The following PMFBP1 variants were observed in gnomAD, a reference collection of about 807,000 sequenced individuals.
PMFBP1 encodes the protein polyamine modulated factor 1 binding protein 1, also known as polyamine-modulated factor 1-binding protein 1.
PMFBP1 carries 131 observed loss-of-function variants against 137.8 expected under a neutral mutation model. That is an observed-to-expected ratio of 0.95 (90% CI 0.82 to 1.10). PMFBP1 has a LOEUF of 1.10. PMFBP1 is among the 50% of genes least tolerant of loss of function. The pLI is 0.00. For synonymous variants in PMFBP1, 490 were observed against 450.4 expected, an observed-to-expected ratio of 1.09 and a Z score of -1.11; for missense variants, 1,199 against 1,175.4, an observed-to-expected ratio of 1.02 and a Z score of -0.29.
In PMFBP1 at chr16:72,150,841, G is replaced by A; in HGVS notation, c.415-12C>T. ...TCATAGAGAATCACCTGTAGGTGTA[G>A]GAATAAATCCACATTGAGCCCATGG... On this transcript the variant is annotated splice_polypyrimidine_tract_variant and intron_variant, in intron 4 of 20. Transcript: ENST00000237353. The A allele has an allele frequency of 6.2e-7, 1 of 1,606,862 alleles. No homozygotes were observed. The highest frequency in any genetic ancestry group is 1.3e-5 in the African/African-American group (1 of 74,896).
the PMFBP1 span, among the ~76,000 whole-genome samples, chr16:72,237,236 G>A: frequency 2.0e-5 from 3 of 152,160 alleles, no homozygotes; most frequent in African/African-American, 4.8e-5. Context: ...TAGGAGGAAC[G>A]TTATTTGGTT....
At chr16:72,206,721 G>GGC in the PMFBP1 span, among the ~76,000 whole-genome samples, 895 of 152,192 alleles carry the variant, frequency 5.9e-3, 11 homozygotes, top group African/African-American at 0.019. Context: ...ATCGCTTCCC[G>GGC]GCGCACTGCT....
chr16:72,230,403 T>C, the PMFBP1 span, among the ~76,000 whole-genome samples: 1 of 152,146 alleles, frequency 6.6e-6, no homozygotes, highest in Non-Finnish European at 1.5e-5. Flanking sequence ...TTACACTCAA[T>C]CCTATGGTTT....
intron 5 of PMFBP1, among the ~76,000 whole-genome samples, chr16:72,148,663 T>A (rs937672614): frequency 6.6e-6 from 1 of 152,102 alleles, no homozygotes; most frequent in Non-Finnish European, 1.5e-5. Flanking sequence ...GAAGCTCCTA[T>A]ACACCAATAG....
At chr16:72,194,757 A>C in the PMFBP1 span, among the ~76,000 whole-genome samples, 1 of 152,190 alleles carries the variant, frequency 6.6e-6, no homozygotes, top group Non-Finnish European at 1.5e-5. Context: ...AAAGAAGCTA[A>C]GGCACTGTTG....
At chr16:72,176,556 C>A (rs2144543668), upstream of PMFBP1, among the ~76,000 whole-genome samples, 1 of 152,298 alleles carries the variant, frequency 6.6e-6, no homozygotes, top group Admixed American at 6.5e-5. Context: ...AGAAGTAGTG[C>A]ACAGCTCTTT....
At chr16:72,122,062 T>C (rs1301960585) in intron 19 of PMFBP1, among the ~76,000 whole-genome samples, 1 of 152,190 alleles carries the variant, frequency 6.6e-6, no homozygotes, top group African/African-American at 2.4e-5. Context: ...CTCCACCCTC[T>C]GACAGACCCC....
chr16:72,161,094 CTT>C (rs35611285), intron 3 of PMFBP1, among the ~76,000 whole-genome samples: 30 of 124,940 alleles, frequency 2.4e-4, no homozygotes, highest in African/African-American at 4.3e-4. Context: ...TTATCTGTTA[CTT>C]TTTTTTTTTT....
chr16:72,150,040 A>G (rs2042878131), intron 5 of PMFBP1, among the ~76,000 whole-genome samples: 1 of 152,216 alleles, frequency 6.6e-6, no homozygotes, highest in South Asian at 2.1e-4. Flanking sequence ...TTACTTGTGT[A>G]ATTAAAAATA....
chr16:72,217,137 A>G, the PMFBP1 span, among the ~76,000 whole-genome samples: 2 of 152,184 alleles, frequency 1.3e-5, no homozygotes, highest in South Asian at 2.1e-4. Context: ...GTGAAGCCAC[A>G]TGATTGAGTT....
the PMFBP1 span, among the ~76,000 whole-genome samples, chr16:72,186,581 T>C: frequency 1.3e-5 from 2 of 152,070 alleles, no homozygotes; most frequent in African/African-American, 2.4e-5. Context: ...CATCAACAAT[T>C]GCTTCGTGTA....
chr16:72,163,739 C>T (rs1002627484), intron 3 of PMFBP1, among the ~76,000 whole-genome samples: 8 of 152,024 alleles, frequency 5.3e-5, no homozygotes, highest in African/African-American at 1.7e-4. Context: ...TACTACTCAG[C>T]CATAAAGAGG....
chr16:72,181,535 A>AATTC (rs1470493304), upstream of PMFBP1, among the ~76,000 whole-genome samples: 1 of 152,204 alleles, frequency 6.6e-6, no homozygotes, highest in Non-Finnish European at 1.5e-5. Context: ...GACTATCATG[A>AATTC]AGCTAGCCCT....
chr16:72,159,922 A>T (rs183050900), intron 3 of PMFBP1, among the ~76,000 whole-genome samples: 1 of 152,138 alleles, frequency 6.6e-6, no homozygotes, highest in East Asian at 1.9e-4. Flanking sequence ...CAGAGGTAAG[A>T]CTAGTTCTTA....
the PMFBP1 span, among the ~76,000 whole-genome samples, chr16:72,189,966 G>A: frequency 2.0e-5 from 3 of 152,136 alleles, no homozygotes; most frequent in Non-Finnish European, 4.4e-5. Context: ...GTTGAGTCAT[G>A]AGTCACGGGT....
chr16:72,119,300 A>G lies in PMFBP1; in HGVS notation c.*38T>C. 1.9e-6 allele frequency: 3 copies of G among 1,603,408 alleles called. No homozygotes were observed. The African/African-American group carries it at 4.0e-5, about 21-fold the overall frequency. On this transcript the variant is annotated 3_prime_UTR_variant, in exon 21 of 21. Transcript: ENST00000237353. ...TGGGAACTCACTGTCCTCTGAAGAA[A>G]CACCCGTGGAAATGCTGCTCAGGGC...
chr16:72,216,279 C>T, the PMFBP1 span, among the ~76,000 whole-genome samples: 1 of 152,146 alleles, frequency 6.6e-6, no homozygotes, highest in Non-Finnish European at 1.5e-5. Flanking sequence ...TTCCATTAGG[C>T]AGAAATGATT....
chr16:72,244,677 G>A, the PMFBP1 span, among the ~76,000 whole-genome samples: 1 of 152,166 alleles, frequency 6.6e-6, no homozygotes. Flanking sequence ...CCAAAAGGAT[G>A]ACCAAATCTC....
the PMFBP1 span, among the ~76,000 whole-genome samples, chr16:72,225,934 G>GACACAC: frequency 3.6e-3 from 506 of 140,766 alleles, 2 homozygotes; most frequent in African/African-American, 5.4e-3. Flanking sequence ...CACACTCACA[G>GACACAC]ACACACACAC....
Sources: allele counts gnomAD v4.1 joint callset (sites outside exome capture counted in the v4.1 genomes callset), GRCh38; gene constraint gnomAD v4.1.1; transcripts MANE v1.5; gene names NCBI Gene and HGNC (gene_info 2026-07-23, HGNC 2026-07-21).